Variants in LIN9 observed in about 807,000 individuals in gnomAD.
The protein encoded by LIN9 is lin-9 DREAM MuvB core complex component.
A neutral mutation model predicts 78.0 loss-of-function variants in LIN9; 18 were observed. The ratio of observed to expected loss-of-function variants is 0.23; its 90% CI spans 0.16 to 0.34. The LOEUF is 0.34. LIN9 is among the 10% of genes least tolerant of loss of function. LIN9 has a pLI of 1.00. For synonymous variants in LIN9, 192 were observed against 215.2 expected (o/e 0.89, Z 0.94); for missense variants, 451 against 644.1 (o/e 0.70, Z 3.25).
At chr1:226,297,954 A>T (rs1662260127) in intron 2 of LIN9, 141 bp from the exon 3 acceptor site, 2 of 386,668 alleles carry the variant, frequency 5.2e-6, no homozygotes, top group South Asian at 2.4e-4. Flanking sequence ...ATTTTAGATT[A>T]TTATAAATGA....
At chr1:226,260,904 C>CA (rs377273123) in intron 10 of LIN9, among the ~76,000 whole-genome samples, 24 of 152,008 alleles carry the variant, frequency 1.6e-4, no homozygotes, top group African/African-American at 5.8e-4. Context: ...CTCGGCCTCC[C>CA]AAAGTGCTGG....
At chr1:226,245,823 C>G (rs900298123) in intron 11 of LIN9, among the ~76,000 whole-genome samples, 1 of 152,160 alleles carries the variant, frequency 6.6e-6, no homozygotes, top group Non-Finnish European at 1.5e-5. Flanking sequence ...GTCTCAAACT[C>G]CTGGCCTCAA....
At chr1:226,254,854 T>C (rs1659082527) in intron 10 of LIN9, among the ~76,000 whole-genome samples, 1 of 141,790 alleles carries the variant, frequency 7.1e-6, no homozygotes, top group African/African-American at 2.7e-5. Flanking sequence ...GAGCTTGCAG[T>C]GAGCTGAGAT....
In LIN9 at chr1:226,287,805, A is replaced by G. The variant is rs1558196071; in HGVS notation, c.265-8T>C. 1.3e-6 allele frequency: 2 copies of G among 1,532,474 alleles called. No homozygotes were observed. The highest frequency in any genetic ancestry group is 2.5e-5 in the East Asian group (1 of 39,876). The allele number at this position is 1,532,474 out of a possible 1,614,324, so 94.9% of individuals were successfully genotyped here. A position where few individuals can be genotyped will look rare whatever the true frequency, so the allele number is the denominator to read the frequency against. On this transcript the variant is annotated splice_polypyrimidine_tract_variant and splice_region_variant and intron_variant, in intron 4 of 14. Coordinates refer to ENST00000681046, the MANE Select transcript of LIN9 (RefSeq NM_001366245.2). ...CATTGTTGCTGTAAATTTCTATACA[A>G]TAAAAAAAAGAGATTAATTTATGGC...
intron 4 of LIN9, among the ~76,000 whole-genome samples, chr1:226,295,119 G>C (rs1662058557): frequency 6.6e-6 from 1 of 151,844 alleles, no homozygotes; most frequent in Admixed American, 6.6e-5. Flanking sequence ...GTTTTTAAAT[G>C]CCAAAAATAA....
At chr1:226,262,538 G>A (rs569529706) in intron 10 of LIN9, among the ~76,000 whole-genome samples, 6 of 152,180 alleles carry the variant, frequency 3.9e-5, no homozygotes, top group Non-Finnish European at 8.8e-5. Flanking sequence ...GATGGTCAAT[G>A]AGGAAATGTA....
At chr1:226,300,754 G>A (rs1049393180) in intron 2 of LIN9, among the ~76,000 whole-genome samples, 3 of 152,286 alleles carry the variant, frequency 2.0e-5, no homozygotes, top group East Asian at 1.9e-4. Context: ...TACTCAGGGG[G>A]CTGAGGCAGG....
intron 11 of LIN9, among the ~76,000 whole-genome samples, chr1:226,239,934 G>A (rs553012402): frequency 1.3e-5 from 2 of 152,164 alleles, no homozygotes; most frequent in East Asian, 1.9e-4. Context: ...GAGGATTTCT[G>A]AGAAAGCACG....
chr1:226,289,387 GTC>G (rs1233040857), intron 4 of LIN9, among the ~76,000 whole-genome samples: 5 of 152,124 alleles, frequency 3.3e-5, no homozygotes, highest in African/African-American at 7.2e-5. Flanking sequence ...TTGAGACAGG[GTC>G]TCTCTCTCTG....
At chr1:226,297,029 G>C (rs998775983) in intron 3 of LIN9, among the ~76,000 whole-genome samples, 13 of 152,078 alleles carry the variant, frequency 8.5e-5, no homozygotes, top group Non-Finnish European at 1.9e-4. Flanking sequence ...AACCCACTCA[G>C]AGTCTTGATA....
At chr1:226,264,715 G>A (rs1486681543) in intron 10 of LIN9, among the ~76,000 whole-genome samples, 4 of 152,160 alleles carry the variant, frequency 2.6e-5, no homozygotes, top group South Asian at 2.1e-4. Flanking sequence ...CGGGCATAGT[G>A]GTGCATGCCT....
chr1:226,254,739 A>G (rs543272552), intron 10 of LIN9, among the ~76,000 whole-genome samples: 2 of 151,738 alleles, frequency 1.3e-5, no homozygotes, highest in Non-Finnish European at 2.9e-5. Context: ...GTGAAACCCC[A>G]TCTCTACTAA....
intron 1 of LIN9, among the ~76,000 whole-genome samples, chr1:226,302,633 T>C (rs976687654): frequency 5.3e-5 from 8 of 151,672 alleles, no homozygotes; most frequent in Admixed American, 5.3e-4. Context: ...GAATTGGATG[T>C]ATACATTGCA....
At chr1:226,246,378 G>A (rs1269115474) in intron 11 of LIN9, among the ~76,000 whole-genome samples, 1 of 152,036 alleles carries the variant, frequency 6.6e-6, no homozygotes, top group Non-Finnish European at 1.5e-5. Context: ...TGTGGAGATG[G>A]TAGCTCTCAG....
intron 12 of LIN9, 68 bp downstream of exon 12, chr1:226,238,903 A>T (rs559168559): frequency 6.7e-7 from 1 of 1,500,994 alleles, no homozygotes; most frequent in Admixed American, 2.0e-5. Context: ...TGGATTTTCT[A>T]AAGTGTGAAA....
rs559851844 is a variant in LIN9, at chr1:226,288,847, T to G, written c.265-1050A>C. ...ATATCATTTCCCATAAATTATAATA[T>G]TAGTCCAATCCCAGTCAAAATGCCA... On this transcript the variant is annotated intron_variant, in intron 4 of 14. Coordinates refer to ENST00000681046, the MANE Select transcript of LIN9 (RefSeq NM_001366245.2). Among the ~76,000 whole-genome samples, 396 of 152,344 alleles carry G rather than the reference T, an allele frequency of 2.6e-3. 1 individual carries two copies. The highest frequency in any genetic ancestry group is 9.0e-3 in the African/African-American group (376 of 41,578).
intron 4 of LIN9, among the ~76,000 whole-genome samples, 195 bp downstream of exon 4, chr1:226,295,647 T>C (rs1468922368): frequency 1.3e-5 from 2 of 152,132 alleles, no homozygotes; most frequent in African/African-American, 2.4e-5. Context: ...GTAGGACTAA[T>C]GACTGGCTTT....
chr1:226,245,413 C>T (rs1458453383), intron 11 of LIN9, among the ~76,000 whole-genome samples: 1 of 121,600 alleles, frequency 8.2e-6, no homozygotes, highest in Non-Finnish European at 1.7e-5. Flanking sequence ...CTGCCAGTCA[C>T]ATACTTGTCT....
At chr1:226,262,414 A>C (rs773444901) in intron 10 of LIN9, among the ~76,000 whole-genome samples, 6 of 152,222 alleles carry the variant, frequency 3.9e-5, no homozygotes, top group Non-Finnish European at 5.9e-5. Context: ...ATATACAAAG[A>C]ACTCTTAAAA....
Sources: allele counts gnomAD v4.1 joint callset (sites outside exome capture counted in the v4.1 genomes callset), GRCh38; gene constraint gnomAD v4.1.1; transcripts MANE v1.5; gene names NCBI Gene and HGNC (gene_info 2026-07-23, HGNC 2026-07-21).